Variants in SMOC1 observed in about 807,000 individuals in gnomAD.
SMOC1 encodes SPARC related modular calcium binding 1, also known as SPARC-related modular calcium-binding protein 1.
A neutral mutation model predicts 56.3 loss-of-function variants in SMOC1; 22 were observed. That is an observed-to-expected ratio of 0.39 (90% confidence interval 0.28 to 0.56). The LOEUF (loss-of-function observed/expected upper bound fraction) is 0.56. SMOC1 is among the 20% of genes least tolerant of loss of function. The pLI, the probability that SMOC1 is intolerant of heterozygous loss-of-function variation, is 0.61. For synonymous variants in SMOC1, 193 were observed against 215.0 expected (o/e 0.90, Z 0.89); for missense variants, 509 against 565.4 (o/e 0.90, Z 1.01).
Position 70,023,360 on chromosome 14 carries a change from C to T in SMOC1, c.1204C>T (p.Arg402Trp), listed in dbSNP as rs749173332. 2.2e-5 allele frequency: 35 copies of T among 1,613,980 alleles called. No homozygotes were observed. Among genetic ancestry groups the T allele is most frequent in the African/African-American group, 1.1e-4 (8 of 74,890 alleles). The change falls in exon 11 of 12, where the codon CGG becomes TGG. Residue 402 changes from arginine to tryptophan, a missense_variant. By Grantham distance (101) the Arg-to-Trp change is moderately radical (BLOSUM62 -3). Transcript: ENST00000361956. The part of the protein sequence containing the change: ...KKKAKPKKCA[R>W]RFTDYCDLNK... ...GAAAGCCAAGCCCAAGAAATGTGCC[C>T]GGCGTTTCACCGACTACTGTGACCT...
At chr14:69,915,363 C>T (rs550623482) in intron 1 of SMOC1, among the ~76,000 whole-genome samples, 24 of 152,274 alleles carry the variant, frequency 1.6e-4, no homozygotes, top group South Asian at 1.2e-3. Flanking sequence ...TGCATCTGTA[C>T]GGGGCAAACC....
chr14:69,946,421 G>A (rs1882787129), intron 1 of SMOC1, among the ~76,000 whole-genome samples: 1 of 152,186 alleles, frequency 6.6e-6, no homozygotes, highest in Admixed American at 6.5e-5. Context: ...TAGGAGAGAC[G>A]ACTGCAGATA....
chr14:70,011,804 C>T (rs1050575602), intron 9 of SMOC1, among the ~76,000 whole-genome samples: 3 of 152,174 alleles, frequency 2.0e-5, no homozygotes, highest in South Asian at 4.1e-4. Flanking sequence ...GTTAAAATCC[C>T]GTCTGCAGTT....
At chr14:70,020,303 G>A (rs190009679) in intron 10 of SMOC1, among the ~76,000 whole-genome samples, 72 of 152,214 alleles carry the variant, frequency 4.7e-4, no homozygotes, top group African/African-American at 1.7e-3. Flanking sequence ...ATCCCTCATG[G>A]ACTCAAAGCT....
At chr14:69,972,981 A>G (rs1883827920) in intron 3 of SMOC1, among the ~76,000 whole-genome samples, 1 of 152,210 alleles carries the variant, frequency 6.6e-6, no homozygotes, top group Non-Finnish European at 1.5e-5. Flanking sequence ...TACCTTGGCC[A>G]TGGGAGTCAA....
rs538037922 is a variant in SMOC1, at chr14:69,918,241, T to C, written c.100-33897T>C. Among the ~76,000 whole-genome samples the C allele has an allele frequency of 1.9e-3, 287 of 151,908 alleles. 1 individual carries two copies. The highest frequency in any genetic ancestry group is 3.3e-3 in the Non-Finnish European group (222 of 67,928). On this transcript the variant is annotated intron_variant, in intron 1 of 11. Transcript: ENST00000361956. ...TACCCTATATATATATATATATTTT[T>C]TTTTTGAGACAGGGTCTCACTCTGT...
At chr14:69,914,704 A>G (rs1235125211) in intron 1 of SMOC1, among the ~76,000 whole-genome samples, 2 of 152,170 alleles carry the variant, frequency 1.3e-5, no homozygotes, top group Non-Finnish European at 1.5e-5. Context: ...CTGGTTTCCA[A>G]CTGTAATGCT....
At chr14:70,008,512 T>G (rs1379204804) in intron 7 of SMOC1, among the ~76,000 whole-genome samples, 1 of 152,160 alleles carries the variant, frequency 6.6e-6, no homozygotes, top group African/African-American at 2.4e-5. Context: ...TTCAAGGACT[T>G]CCAGAAATCC....
chr14:69,951,886 C>A (rs1883007914), intron 1 of SMOC1, among the ~76,000 whole-genome samples: 1 of 152,166 alleles, frequency 6.6e-6, no homozygotes, highest in Admixed American at 6.5e-5. Flanking sequence ...GACTGAGATC[C>A]TGGATGTGAA....
intron 6 of SMOC1, among the ~76,000 whole-genome samples, chr14:69,993,976 C>T (rs227413): frequency 1 from 152,272 of 152,276 alleles, 76,134 homozygotes; most frequent in Middle Eastern, 1. Flanking sequence ...TTCTTTCCCA[C>T]CTGGAGCAAT....
At chr14:70,002,404 G>A (rs768631563) in intron 7 of SMOC1, among the ~76,000 whole-genome samples, 3 of 152,242 alleles carry the variant, frequency 2.0e-5, no homozygotes, top group Non-Finnish European at 2.9e-5. Context: ...CAATTTCGGT[G>A]GCTGACTTTG....
intron 7 of SMOC1, among the ~76,000 whole-genome samples, chr14:70,007,601 G>C (rs1885191483): frequency 1.3e-5 from 2 of 152,198 alleles, no homozygotes; most frequent in Admixed American, 6.5e-5. Flanking sequence ...TTGTCTCCTA[G>C]AGCAAATGGT....
intron 1 of SMOC1, among the ~76,000 whole-genome samples, chr14:69,932,887 C>T (rs1315910033): frequency 6.6e-6 from 1 of 152,124 alleles, no homozygotes; most frequent in Non-Finnish European, 1.5e-5. Context: ...ATGAGACATT[C>T]TGAGCAATTC....
In SMOC1 at chr14:69,986,185, A is replaced by C. The variant is rs184758277; in HGVS notation, c.527-6232A>C. ...TTGTATATTGCATGATTCCATTTAT[A>C]TAACAGTCTAGAAATGACAGCATTA... On this transcript the variant is annotated intron_variant, in intron 5 of 11. Transcript: ENST00000361956. 3.2e-3 allele frequency among the ~76,000 whole-genome samples: 481 copies of C among 152,370 alleles called. 7 individuals carry two copies. Among genetic ancestry groups the C allele is most frequent in the Non-Finnish European group, 2.6e-3 (175 of 68,036 alleles).
chr14:69,996,473 A>T (rs1884769291), intron 7 of SMOC1, among the ~76,000 whole-genome samples: 1 of 152,222 alleles, frequency 6.6e-6, no homozygotes, highest in African/African-American at 2.4e-5. Flanking sequence ...CTTGGGCTGT[A>T]TTCTCTGCAT....
intron 1 of SMOC1, among the ~76,000 whole-genome samples, chr14:69,887,098 A>G (rs1369324641): frequency 2.0e-5 from 3 of 152,346 alleles, no homozygotes; most frequent in Non-Finnish European, 4.4e-5. Context: ...GGGAGGGCAG[A>G]TGAGTAAACT....
At chr14:69,992,149 C>T (rs148142503) in intron 5 of SMOC1, among the ~76,000 whole-genome samples, 42 of 152,288 alleles carry the variant, frequency 2.8e-4, no homozygotes, top group African/African-American at 9.6e-4. Flanking sequence ...TTGTGAGAAA[C>T]GGTCCCCCAA....
chr14:70,025,928 G>C lies in SMOC1; in HGVS notation c.1291+2481G>C, dbSNP rs1387431804. Among the ~76,000 whole-genome samples the C allele has an allele frequency of 2.6e-5, 4 of 152,160 alleles. No homozygotes were observed. In the East Asian group the frequency reaches 7.7e-4, roughly 29 times the overall value. ...GCATTCCCAAAGTTCCTGAGAAATTGAAATAACTCAATAGAAGTTCAATAC... is the reference window on the plus strand; with the variant it reads ...GCATTCCCAAAGTTCCTGAGAAATTCAAATAACTCAATAGAAGTTCAATAC... On this transcript the variant is annotated intron_variant, in intron 11 of 11. Transcript: ENST00000361956.
intron 3 of SMOC1, among the ~76,000 whole-genome samples, chr14:69,961,272 G>A (rs10139987): frequency 0.022 from 1,618 of 74,620 alleles, 65 homozygotes; most frequent in African/African-American, 0.067. Flanking sequence ...ATTCTATTGT[G>A]TATATATATA....
Sources: gnomAD v4.1 joint callset for allele counts (sites outside exome capture counted in the v4.1 genomes callset) on GRCh38, gnomAD v4.1.1 for gene constraint, MANE v1.5 for transcripts, NCBI Gene and HGNC (gene_info 2026-07-23, HGNC 2026-07-21) for gene names.